The following QRFPR variants were observed in gnomAD, a reference collection of about 807,000 sequenced individuals.
QRFPR encodes pyroglutamylated RF-amide peptide receptor.
In QRFPR, 37 loss-of-function variants were observed where a neutral mutation model predicts 31.3. The ratio of observed to expected loss-of-function variants is 1.18; its 90% CI spans 0.91 to 1.56. QRFPR has a LOEUF of 1.56. Among genes scored for constraint, QRFPR ranks in the 40% most tolerant of loss-of-function variants. The pLI is 0.00. For synonymous variants in QRFPR, 197 were observed against 192.0 expected, an observed-to-expected ratio of 1.03 and a Z score of -0.22; for missense variants, 542 against 532.5, an observed-to-expected ratio of 1.02 and a Z score of -0.18.
intron 1 of QRFPR, among the ~76,000 whole-genome samples, chr4:121,344,077 C>T (rs72668967): frequency 0.027 from 4,062 of 152,312 alleles, 82 homozygotes; most frequent in Middle Eastern, 0.075. Context: ...CATCATTAGG[C>T]AGCCCTATTA....
intron 1 of QRFPR, 59 bp downstream of exon 1, chr4:121,380,244 AGAGAT>A: frequency 9.3e-7 from 1 of 1,078,892 alleles, no homozygotes; most frequent in Non-Finnish European, 1.3e-6. Flanking sequence ...AGAGAGAGAG[AGAGAT>A]CCCCTGAAAG....
intron 1 of QRFPR, among the ~76,000 whole-genome samples, chr4:121,360,836 C>T (rs62319044): frequency 0.17 from 25,151 of 152,094 alleles, 2,186 homozygotes; most frequent in Non-Finnish European, 0.17. Flanking sequence ...ACCACATCCC[C>T]TCTGAATGCC....
At chr4:121,345,006 T>A (rs1413211918) in intron 1 of QRFPR, among the ~76,000 whole-genome samples, 1 of 152,274 alleles carries the variant, frequency 6.6e-6, no homozygotes, top group Non-Finnish European at 1.5e-5. Context: ...TAGATGTTAG[T>A]ATCACAGTTG....
Position 121,340,559 on chromosome 4 carries a change from G to T in QRFPR, c.392C>A (p.Thr131Lys), listed in dbSNP as rs563758841. 3 of 1,613,908 alleles carry T rather than the reference G, an allele frequency of 1.9e-6. No homozygotes were observed. The African/African-American group carries it at 4.0e-5, about 22-fold the overall frequency. Reference protein sequence around the residue: ...VPFVQSTAVVTEILTMTCIAV... With the variant: ...VPFVQSTAVVKEILTMTCIAV... ...AATGCAGGTCATAGTGAGGATTTCT[G>T]TCACAACAGCGGTAGACTGGACAAA... Residue 131 changes from threonine (T) to lysine (K), a missense_variant, in exon 2 of 6, where the codon ACA becomes AAA. By Grantham distance (78) the Thr-to-Lys change is moderately conservative (BLOSUM62 -1). Coordinates refer to ENST00000394427, the MANE Select transcript of QRFPR (RefSeq NM_198179.3).
At chr4:121,368,254 A>C (rs1457238383) in intron 1 of QRFPR, among the ~76,000 whole-genome samples, 1 of 150,108 alleles carries the variant, frequency 6.7e-6, no homozygotes, top group Non-Finnish European at 1.5e-5. Context: ...GAACAAGGAA[A>C]TCAAAATAAG....
intron 1 of QRFPR, among the ~76,000 whole-genome samples, chr4:121,362,910 T>C (rs1726019401): frequency 1.3e-5 from 2 of 150,372 alleles, no homozygotes; most frequent in South Asian, 4.2e-4. Flanking sequence ...AACTTGTAAA[T>C]ATATCATGCA....
At chr4:121,345,973 C>A (rs1725639317) in intron 1 of QRFPR, among the ~76,000 whole-genome samples, 1 of 152,026 alleles carries the variant, frequency 6.6e-6, no homozygotes, top group East Asian at 1.9e-4. Context: ...GAGTCTTTAA[C>A]CGTAGAGAAG....
At position 121,340,273 on chromosome 4, in the gene QRFPR, G is replaced by A. The variant is rs758732396; in HGVS notation, c.499+179C>T. The A allele has an allele frequency of 4.3e-4, 282 of 650,266 alleles. 1 individual carries two copies. Among genetic ancestry groups the A allele is most frequent in the Middle Eastern group, 1.7e-3 (4 of 2,404 alleles). The allele number at this position is 650,266 out of a possible 1,614,324, so 40.3% of individuals were successfully genotyped here. ...TGATACATTTTCAGTTTTGAGGTCA[G>A]CCTAAAAGAGAGATGGTGTGGAGAT... On this transcript the variant is annotated intron_variant, in intron 2 of 5. Coordinates refer to ENST00000394427, the MANE Select transcript of QRFPR (RefSeq NM_198179.3).
chr4:121,380,700 G>T lies in QRFPR; in HGVS notation c.-53C>A, dbSNP rs191274132. 3.0e-5 allele frequency: 43 copies of T among 1,443,494 alleles called. No homozygotes were observed. The African/African-American group carries it at 5.8e-4, about 20-fold the overall frequency. The allele number at this position is 1,443,494 out of a possible 1,614,324, so 89.4% of individuals were successfully genotyped here. ...ACCGCCCGCTACTGGCTGGCCATCC[G>T]CATCTGCGGGGCAGCGAGGGCTTCG... On this transcript the variant is annotated 5_prime_UTR_variant, in exon 1 of 6. Coordinates refer to ENST00000394427, the MANE Select transcript of QRFPR (RefSeq NM_198179.3).
At chr4:121,345,858 A>G (rs1015432456) in intron 1 of QRFPR, among the ~76,000 whole-genome samples, 2 of 152,194 alleles carry the variant, frequency 1.3e-5, no homozygotes, top group African/African-American at 4.8e-5. Context: ...TCTAAACATG[A>G]TGCTTGAAAA....
chr4:121,376,743 G>A (rs1351100626), intron 1 of QRFPR, among the ~76,000 whole-genome samples: 2 of 152,192 alleles, frequency 1.3e-5, no homozygotes, highest in African/African-American at 4.8e-5. Context: ...GGTTTGGGCT[G>A]GGGCTGGCGC....
chr4:121,347,592 A>T (rs990006095), intron 1 of QRFPR, among the ~76,000 whole-genome samples: 1 of 152,152 alleles, frequency 6.6e-6, no homozygotes, highest in Non-Finnish European at 1.5e-5. Flanking sequence ...GTAATATATT[A>T]ACGCCCTCTC....
chr4:121,332,779 A>T (rs1725353104), intron 4 of QRFPR, 42 bp downstream of exon 4: 2 of 1,467,338 alleles, frequency 1.4e-6, no homozygotes, highest in Admixed American at 3.5e-5. Flanking sequence ...AGCACAATTA[A>T]TTAAAAATAA....
Position 121,380,793 on chromosome 4 carries a change from G to T in QRFPR, c.-146C>A. 2 of 696,420 alleles carry T rather than the reference G, an allele frequency of 2.9e-6. No individual in the cohort carries two copies. The highest frequency in any genetic ancestry group is 3.1e-5 in the Admixed American group (1 of 32,618). 43.1% of individuals were successfully genotyped at this position (696,420 alleles called of 1,614,324 possible). ...CAGCCGCGCGGGAGGGCTCTAGGCTGCACCCCGGGAGGTTCGGGAAAGGAG... is the reference window on the plus strand; with the variant it reads ...CAGCCGCGCGGGAGGGCTCTAGGCTTCACCCCGGGAGGTTCGGGAAAGGAG... On this transcript the variant is annotated 5_prime_UTR_variant, in exon 1 of 6. Coordinates refer to ENST00000394427, the MANE Select transcript of QRFPR (RefSeq NM_198179.3).
In QRFPR at chr4:121,336,810, A is replaced by C; in HGVS notation, c.558T>G (p.Leu186=). Residue 186 remains leucine, a synonymous_variant, in exon 3 of 6, where the codon CTT becomes CTG. Transcript: ENST00000394427. ...VGSPMWHVQQ[L]EIKYDFLYEK... is the part of the protein sequence containing the mutation. The stretch of plus-strand genomic sequence containing the variant: ...ATACATCTCAACTGGAGTCTACCTC[A>C]AGTTGTTGCACGTGCCACATGGGTG... 1 of 1,610,924 alleles carries C rather than the reference A, an allele frequency of 6.2e-7. No individual in the cohort carries two copies. The highest frequency in any genetic ancestry group is 8.5e-7 in the Non-Finnish European group (1 of 1,177,032).
Position 121,352,459 on chromosome 4 carries a change from T to C in QRFPR, c.341-11849A>G, listed in dbSNP as rs151137213. Among the ~76,000 whole-genome samples the C allele has an allele frequency of 1.2e-4, 18 of 152,178 alleles. No homozygotes were observed. In the East Asian group the frequency reaches 1.7e-3, roughly 15 times the overall value. On this transcript the variant is annotated intron_variant, in intron 1 of 5. Transcript: ENST00000394427. ...ACGAAGTATGTACTTTCTCAAGCCC[T>C]TCATAAAAGTAAGGAAAACCTCAGA...
chr4:121,332,016 G>A (rs1211408661), intron 4 of QRFPR, among the ~76,000 whole-genome samples: 4 of 152,114 alleles, frequency 2.6e-5, no homozygotes, highest in Non-Finnish European at 5.9e-5. Context: ...CCAACTTAAC[G>A]ATAGGTCCCA....
intron 1 of QRFPR, among the ~76,000 whole-genome samples, chr4:121,360,193 T>C (rs182896171): frequency 6.6e-6 from 1 of 152,294 alleles, no homozygotes; most frequent in Admixed American, 6.5e-5. Flanking sequence ...TATAAGATGA[T>C]AGTGATTCTG....
chr4:121,335,812 C>A (rs893747277), intron 3 of QRFPR, among the ~76,000 whole-genome samples: 1 of 151,994 alleles, frequency 6.6e-6, no homozygotes, highest in Admixed American at 6.6e-5. Flanking sequence ...GTGAAAGTAA[C>A]CAGAGAAATT....
Sources: allele counts gnomAD v4.1 joint callset (sites outside exome capture counted in the v4.1 genomes callset), GRCh38; gene constraint gnomAD v4.1.1; transcripts MANE v1.5; gene names NCBI Gene and HGNC (gene_info 2026-07-23, HGNC 2026-07-21).